LRRC8D: variants seen among roughly 807,000 people sequenced by gnomAD.
LRRC8D encodes volume-regulated anion channel subunit LRRC8D.
A neutral mutation model predicts 55.8 loss-of-function variants in LRRC8D; 20 were observed. The ratio of observed to expected loss-of-function variants is 0.36; its 90% confidence interval spans 0.25 to 0.52. The LOEUF (loss-of-function observed/expected upper bound fraction) is 0.52. Ranked by LOEUF, LRRC8D falls within the 20% of genes least tolerant of loss-of-function variation. The probability of loss-of-function intolerance (pLI) is 0.93; values close to 1 mark genes in which losing one functional copy is unlikely to be tolerated. For synonymous variants in LRRC8D, 352 were observed against 377.0 expected, an observed-to-expected ratio of 0.93 and a Z score of 0.77; for missense variants, 651 against 1,030.8, an observed-to-expected ratio of 0.63 and a Z score of 5.05.
intron 2 of LRRC8D, among the ~76,000 whole-genome samples, chr1:89,896,229 G>A (rs1404498024): frequency 6.6e-6 from 1 of 152,158 alleles, no homozygotes; most frequent in Non-Finnish European, 1.5e-5. Context: ...GAGTGGGAGG[G>A]TAGAGGGGTG....
At chr1:89,874,209 G>T (rs1372843338) in intron 2 of LRRC8D, among the ~76,000 whole-genome samples, 7 of 152,170 alleles carry the variant, frequency 4.6e-5, no homozygotes, top group Non-Finnish European at 8.8e-5. Flanking sequence ...CTAGGAGGAA[G>T]AGTTGCCAGT....
intron 2 of LRRC8D, among the ~76,000 whole-genome samples, chr1:89,905,352 CT>C (rs1331118507): frequency 1.3e-5 from 2 of 152,192 alleles, no homozygotes; most frequent in African/African-American, 4.8e-5. Flanking sequence ...CCTCCCAAGA[CT>C]TTTATGGGAT....
intron 1 of LRRC8D, among the ~76,000 whole-genome samples, chr1:89,838,387 AAG>A (rs1158502581): frequency 1.3e-5 from 2 of 151,872 alleles, no homozygotes; most frequent in Non-Finnish European, 2.9e-5. Flanking sequence ...AAATAAAAAT[AAG>A]ATAAATAAGA....
At position 89,935,261 on chromosome 1, in the gene LRRC8D, C is replaced by G; in HGVS notation, c.2193C>G (p.Leu731=). 6.2e-7 allele frequency: 1 copy of G among 1,614,110 alleles called. No individual in the cohort carries two copies. The highest frequency in any genetic ancestry group is 8.5e-7 in the Non-Finnish European group (1 of 1,179,958). The change falls in exon 3 of 3, where the codon CTC becomes CTG. Residue 731 remains leucine (L), a synonymous_variant. Coordinates refer to ENST00000337338, the MANE Select transcript of LRRC8D (RefSeq NM_001134479.2). ...TGGCAGTATTTAGTTTACAGAAACT[C>G]AGATGCTTAGATGTGAGCTACAACA... is the stretch of plus-strand genomic sequence containing the variant. ...LPVAVFSLQK[L]RCLDVSYNNI... is the part of the protein sequence containing the mutation.
intron 2 of LRRC8D, among the ~76,000 whole-genome samples, chr1:89,907,153 A>AG (rs796644335): frequency 2.1e-5 from 3 of 140,784 alleles, no homozygotes; most frequent in African/African-American, 7.8e-5. Flanking sequence ...TCTATCTTTC[A>AG]GGTGTTGGGC....
chr1:89,897,569 A>G (rs772693697), intron 2 of LRRC8D, among the ~76,000 whole-genome samples: 33 of 152,362 alleles, frequency 2.2e-4, no homozygotes, highest in Non-Finnish European at 3.7e-4. Flanking sequence ...ATTAAATTGG[A>G]TGCTGTGTCT....
In LRRC8D at chr1:89,933,485, A is replaced by C; in HGVS notation, c.417A>C (p.Thr139=). 2 of 1,614,194 alleles carry C rather than the reference A, an allele frequency of 1.2e-6. No homozygotes were observed. Among genetic ancestry groups the C allele is most frequent in the East Asian group, 4.5e-5 (2 of 44,888 alleles). The part of the protein sequence containing the change: ...KEKKDPTGRK[T]NLDFQQYVFI... ...AGAAAGATCCAACAGGTCGAAAAAC[A>C]AACTTGGATTTTCAGCAATATGTAT... The change falls in exon 3 of 3, where the codon ACA becomes ACC. Residue 139 remains threonine (T), a synonymous_variant. Coordinates refer to ENST00000337338, the MANE Select transcript of LRRC8D (RefSeq NM_001134479.2). The surrounding 1 kb of genome is among the most constrained non-coding windows in gnomAD (Gnocchi z 7.0).
intron 2 of LRRC8D, among the ~76,000 whole-genome samples, chr1:89,851,328 C>G (rs547681748): frequency 6.6e-6 from 1 of 152,228 alleles, no homozygotes; most frequent in East Asian, 1.9e-4. Context: ...ATTATTGGGA[C>G]AACTTTGTCA....
Position 89,925,104 on chromosome 1 carries a change from A to G in LRRC8D, c.-2-7963A>G, listed in dbSNP as rs139967318. 2.6e-3 allele frequency among the ~76,000 whole-genome samples: 395 copies of G among 151,982 alleles called. 1 individual carries two copies. Among genetic ancestry groups the G allele is most frequent in the African/African-American group, 9.2e-3 (380 of 41,440 alleles). ...CAAAGCTTCATCTGTATTTACAGCC[A>G]CTCCCCATTGTTGACATTACTGCCT... On this transcript the variant is annotated intron_variant, in intron 2 of 2. Transcript: ENST00000337338.
intron 2 of LRRC8D, among the ~76,000 whole-genome samples, chr1:89,916,853 A>G (rs949092571): frequency 1.3e-5 from 2 of 152,314 alleles, no homozygotes; most frequent in Non-Finnish European, 2.9e-5. Flanking sequence ...CAGGGTAGGA[A>G]CATTCAATGA....
chr1:89,903,154 A>G (rs1215439749), intron 2 of LRRC8D, among the ~76,000 whole-genome samples: 1 of 152,204 alleles, frequency 6.6e-6, no homozygotes, highest in Non-Finnish European at 1.5e-5. Context: ...TCGCTCTGGC[A>G]GTGTGACTCC....
chr1:89,887,530 T>C (rs969482554), intron 2 of LRRC8D, among the ~76,000 whole-genome samples: 3 of 152,328 alleles, frequency 2.0e-5, no homozygotes, highest in Admixed American at 2.0e-4. Context: ...TGTTGCCTCA[T>C]ACCAAGCTTT....
At chr1:89,862,174 A>G (rs1170752022) in intron 2 of LRRC8D, among the ~76,000 whole-genome samples, 1 of 152,192 alleles carries the variant, frequency 6.6e-6, no homozygotes, top group African/African-American at 2.4e-5. Flanking sequence ...TTCTATTAAT[A>G]ATAAAATGGA....
intron 2 of LRRC8D, among the ~76,000 whole-genome samples, chr1:89,875,446 C>T (rs530659665): frequency 2.6e-5 from 4 of 152,154 alleles, no homozygotes; most frequent in South Asian, 2.1e-4. Context: ...AATCCTTATC[C>T]TTATGAAGAC....
chr1:89,871,525 T>C (rs1483935310), intron 2 of LRRC8D, among the ~76,000 whole-genome samples: 1 of 152,234 alleles, frequency 6.6e-6, no homozygotes, highest in African/African-American at 2.4e-5. Context: ...ATATGAAGTT[T>C]ATGATTCTTA....
At chr1:89,848,825 G>T (rs574216635) in intron 2 of LRRC8D, among the ~76,000 whole-genome samples, 1 of 151,956 alleles carries the variant, frequency 6.6e-6, no homozygotes, top group Admixed American at 6.5e-5. Flanking sequence ...TCAGCCTCCC[G>T]AGTAGCTGGG....
Position 89,935,530 on chromosome 1 carries a change from G to T in LRRC8D, c.2462G>T (p.Arg821Leu). 1 of 1,614,222 alleles carries T rather than the reference G, an allele frequency of 6.2e-7. No homozygotes were observed. Among genetic ancestry groups the T allele is most frequent in the Non-Finnish European group, 8.5e-7 (1 of 1,180,040 alleles). Residue 821 changes from arginine (R) to leucine (L), a missense_variant, in exon 3 of 3, where the codon CGG becomes CTG. Coordinates refer to ENST00000337338, the MANE Select transcript of LRRC8D (RefSeq NM_001134479.2). ...CTGCCAGCCCAGCTGGGCCAGTGTC[G>T]GATGCTCAAGAAAAGCGGGCTTGTT... ...DRLPAQLGQCRMLKKSGLVVE... is the reference protein window; with the variant it reads ...DRLPAQLGQCLMLKKSGLVVE...
Position 89,848,919 on chromosome 1 carries a change from C to T in LRRC8D, c.-3+5137C>T, listed in dbSNP as rs191008709. Among the ~76,000 whole-genome samples, 252 of 152,184 alleles carry T rather than the reference C, an allele frequency of 1.7e-3. 3 individuals are homozygous for T. Among genetic ancestry groups the T allele is most frequent in the African/African-American group, 6.0e-3 (248 of 41,526 alleles). On this transcript the variant is annotated intron_variant, in intron 2 of 2. Transcript: ENST00000337338. Reference sequence around the variant, plus strand: ...TTCACCGTGTTAGCCAGGATGATCTCGATCTCCTGACTTCTTGATCTGCCC... The same window carrying T: ...TTCACCGTGTTAGCCAGGATGATCTTGATCTCCTGACTTCTTGATCTGCCC...
chr1:89,880,614 A>G (rs1261988530), intron 2 of LRRC8D, among the ~76,000 whole-genome samples: 3 of 152,150 alleles, frequency 2.0e-5, no homozygotes, highest in Non-Finnish European at 2.9e-5. Flanking sequence ...GATGTAATAA[A>G]TATTAGTGGA....
Sources: allele counts gnomAD v4.1 joint callset (sites outside exome capture counted in the v4.1 genomes callset), GRCh38; gene constraint gnomAD v4.1.1; non-coding constraint Gnocchi (gnomAD v3.1); transcripts MANE v1.5; gene names NCBI Gene and HGNC (gene_info 2026-07-23, HGNC 2026-07-21).